The following PCDH11X variants were observed in gnomAD, a reference collection of about 807,000 sequenced individuals.
The protein encoded by PCDH11X is protocadherin-11 X-linked.
PCDH11X carries 18 observed loss-of-function variants against 53.3 expected under a neutral mutation model. The observed-to-expected ratio is 0.34, with a 90% CI of 0.23 to 0.50. The LOEUF (loss-of-function observed/expected upper bound fraction) is 0.50, where lower values mean the gene tolerates loss of function less well. PCDH11X is among the 20% of genes least tolerant of loss of function. PCDH11X has a pLI of 0.98. For missense variants in PCDH11X, 570 were observed against 1,032.4 expected, an observed-to-expected ratio of 0.55 and a Z score of 6.14; for synonymous variants, 279 against 393.3, an observed-to-expected ratio of 0.71 and a Z score of 3.44.
chrX:92,154,948 T>C (rs1304353147), intron 6 of PCDH11X, among the ~76,000 whole-genome samples: 1 of 108,773 alleles, frequency 9.2e-6, no homozygotes, highest in Non-Finnish European at 1.9e-5. Context: ...TCTGTCCTTA[T>C]GATAAGGAAG....
At chrX:92,405,787 A>G (rs1279068821) in intron 9 of PCDH11X, among the ~76,000 whole-genome samples, 1 of 110,303 alleles carries the variant, frequency 9.1e-6, no homozygotes, top group African/African-American at 3.3e-5. Flanking sequence ...CTTACAACAG[A>G]TAATTTCTGT....
At chrX:92,536,012 G>A (rs955883590) in intron 10 of PCDH11X, among the ~76,000 whole-genome samples, 1 of 106,916 alleles carries the variant, frequency 9.4e-6, no homozygotes, top group African/African-American at 3.4e-5. Flanking sequence ...TCCCTCATAA[G>A]TTTGTGTTCC....
chrX:92,182,743 G>A (rs5942144), intron 6 of PCDH11X, among the ~76,000 whole-genome samples: 55,898 of 110,463 alleles, frequency 0.51, 10,628 homozygotes, highest in Non-Finnish European at 0.6. Context: ...CCTCCTTGCT[G>A]TCCACCATGA....
At chrX:92,418,158 A>G (rs1282651836) in intron 9 of PCDH11X, among the ~76,000 whole-genome samples, 19 of 103,690 alleles carry the variant, frequency 1.8e-4, no homozygotes, top group African/African-American at 3.1e-4. Context: ...TAGTTATTCA[A>G]ATTTAACATC....
At chrX:92,061,649 G>T (rs1839720029) in intron 6 of PCDH11X, among the ~76,000 whole-genome samples, 1 of 109,280 alleles carries the variant, frequency 9.2e-6, no homozygotes, top group Non-Finnish European at 1.9e-5. Context: ...CTGTTCCATT[G>T]GTCAGTGAGT....
intron 8 of PCDH11X, among the ~76,000 whole-genome samples, chrX:92,385,063 T>C: frequency 1.0e-5 from 1 of 95,570 alleles, no homozygotes; most frequent in Non-Finnish European, 2.2e-5. Flanking sequence ...GTCATAATTT[T>C]GCAAAGGCGG....
At chrX:91,927,083 A>G (rs144674656) in intron 6 of PCDH11X, among the ~76,000 whole-genome samples, 5,132 of 110,537 alleles carry the variant, frequency 0.046, 142 homozygotes, top group East Asian at 0.12. Context: ...AGGGAAATAT[A>G]GTTTATTTAA....
intron 6 of PCDH11X, among the ~76,000 whole-genome samples, chrX:92,085,910 G>A (rs2063942269): frequency 9.0e-6 from 1 of 111,527 alleles, no homozygotes; most frequent in Admixed American, 9.6e-5. Context: ...TCTGAATTAA[G>A]ATATGCCATA....
chrX:91,894,021 A>T (rs1940630522), intron 6 of PCDH11X, among the ~76,000 whole-genome samples: 1 of 111,714 alleles, frequency 9.0e-6, no homozygotes, highest in African/African-American at 3.2e-5. Flanking sequence ...ATTCTGGGAA[A>T]TTGGGGTTTT....
At chrX:92,123,171 T>C (rs2064802921) in intron 6 of PCDH11X, among the ~76,000 whole-genome samples, 3 of 111,451 alleles carry the variant, frequency 2.7e-5, no homozygotes, top group Admixed American at 1.9e-4. Context: ...ACTTTTTCTG[T>C]AATGCCAACC....
chrX:92,378,940 G>T (rs946837785), intron 8 of PCDH11X, among the ~76,000 whole-genome samples: 2 of 112,917 alleles, frequency 1.8e-5, no homozygotes, highest in African/African-American at 6.4e-5. Context: ...ATCTTACTTC[G>T]GACCTACTAA....
chrX:92,477,936 A>G (rs1284872721), intron 10 of PCDH11X, among the ~76,000 whole-genome samples: 1 of 107,208 alleles, frequency 9.3e-6, no homozygotes, highest in Non-Finnish European at 1.9e-5. Context: ...TCAAAATCTC[A>G]TCTCAAATTA....
chrX:92,189,481 T>C (rs373073711), intron 6 of PCDH11X, among the ~76,000 whole-genome samples: 4 of 111,909 alleles, frequency 3.6e-5, no homozygotes, highest in African/African-American at 1.3e-4. Flanking sequence ...ACATTTGGGC[T>C]GATTCCATGT....
intron 6 of PCDH11X, among the ~76,000 whole-genome samples, chrX:92,168,236 CCA>C (rs1483556507): frequency 9.4e-6 from 1 of 106,465 alleles, no homozygotes; most frequent in Non-Finnish European, 1.9e-5. Flanking sequence ...ACATGAGCCA[CCA>C]CACCCAGCTG....
intron 9 of PCDH11X, among the ~76,000 whole-genome samples, chrX:92,447,495 C>T (rs2072680444): frequency 9.0e-6 from 1 of 111,623 alleles, no homozygotes; most frequent in Non-Finnish European, 1.9e-5. Flanking sequence ...CAAGCCTTGG[C>T]AGCTTCCATG....
intron 6 of PCDH11X, among the ~76,000 whole-genome samples, chrX:92,147,810 C>CCTTTTTCTTTCTTTCTTTCTTT (rs2065296921): frequency 1.4e-5 from 1 of 70,198 alleles, no homozygotes; most frequent in Non-Finnish European, 2.6e-5. Context: ...TTTCTTCCTT[C>CCTTTTTCTTTCTTTCTTTCTTT]CTTTCTTTCT....
At chrX:92,601,504 A>T (rs1169746904) in intron 10 of PCDH11X, among the ~76,000 whole-genome samples, 2 of 95,108 alleles carry the variant, frequency 2.1e-5, no homozygotes, top group African/African-American at 8.4e-5. Flanking sequence ...TGATTCATAA[A>T]AAAAAAAAAA....
chrX:92,104,790 G>A (rs1229880449), intron 6 of PCDH11X, among the ~76,000 whole-genome samples: 1 of 110,264 alleles, frequency 9.1e-6, no homozygotes, highest in African/African-American at 3.3e-5. Context: ...GTTGGGGCAC[G>A]GAAATAAGGG....
intron 6 of PCDH11X, among the ~76,000 whole-genome samples, chrX:92,073,089 G>A (rs1292249994): frequency 1.8e-5 from 2 of 110,887 alleles, no homozygotes; most frequent in Non-Finnish European, 3.8e-5. Context: ...CACTGAGTTC[G>A]ATGTAAAGTC....
Sources: allele counts gnomAD v4.1 joint callset (sites outside exome capture counted in the v4.1 genomes callset), GRCh38; gene constraint gnomAD v4.1.1; transcripts MANE v1.5; gene names NCBI Gene and HGNC (gene_info 2026-07-23, HGNC 2026-07-21).